Variants in LPP observed in about 807,000 individuals in gnomAD.
LPP encodes LIM domain containing preferred translocation partner in lipoma, also known as lipoma-preferred partner.
LPP carries 38 observed loss-of-function variants against 60.4 expected under a neutral mutation model. That is an observed-to-expected ratio of 0.63 (90% confidence interval 0.49 to 0.83). The LOEUF (loss-of-function observed/expected upper bound fraction) is 0.83, where lower values mean the gene tolerates loss of function less well. Ranked by LOEUF, LPP falls within the 40% of genes least tolerant of loss-of-function variation. The pLI is 0.00. For synonymous variants in LPP, 328 were observed against 290.8 expected, an observed-to-expected ratio of 1.13 and a Z score of -1.30; for missense variants, 902 against 783.6, an observed-to-expected ratio of 1.15 and a Z score of -1.80.
At chr3:188,687,867 C>T (rs1377177596) in intron 7 of LPP, among the ~76,000 whole-genome samples, 5 of 151,392 alleles carry the variant, frequency 3.3e-5, no homozygotes, top group African/African-American at 9.7e-5. Flanking sequence ...CTCCACCTCC[C>T]GGGTTCATGC....
intron 9 of LPP, among the ~76,000 whole-genome samples, chr3:188,858,272 C>T (rs901395495): frequency 6.6e-6 from 1 of 152,154 alleles, no homozygotes; most frequent in South Asian, 2.1e-4. Context: ...TCTTAGTCTT[C>T]TCTGATATGT....
chr3:188,632,364 C>A (rs1358810243), intron 7 of LPP, among the ~76,000 whole-genome samples: 3 of 152,196 alleles, frequency 2.0e-5, no homozygotes, highest in Admixed American at 2.0e-4. Context: ...AGCATTTGAT[C>A]TAACCTATAG....
intron 6 of LPP, among the ~76,000 whole-genome samples, chr3:188,581,460 C>T (rs573515492): frequency 6.6e-6 from 1 of 152,244 alleles, no homozygotes; most frequent in African/African-American, 2.4e-5. Flanking sequence ...CAATTTAGTA[C>T]TGTTTATATT....
At chr3:188,328,129 C>G (rs1293020084) in intron 2 of LPP, among the ~76,000 whole-genome samples, 1 of 152,002 alleles carries the variant, frequency 6.6e-6, no homozygotes. Context: ...GATACTATAC[C>G]AAAACTTGAC....
chr3:188,556,548 A>G (rs1372957374), intron 6 of LPP, among the ~76,000 whole-genome samples: 1 of 152,080 alleles, frequency 6.6e-6, no homozygotes, highest in African/African-American at 2.4e-5. Context: ...CCTGAAAATC[A>G]TACAAACTCT....
In LPP at chr3:188,566,387, T is replaced by A. The variant is rs184545231; in HGVS notation, c.429+41600T>A. ...AAAATGAACATTGATGGGAACTGTG[T>A]CATATTTTCTGTATCATATTTCATG... On this transcript the variant is annotated intron_variant, in intron 6 of 11. Coordinates refer to ENST00000617246, the MANE Select transcript of LPP (RefSeq NM_001375462.1). Among the ~76,000 whole-genome samples, 8 of 152,084 alleles carry A rather than the reference T, an allele frequency of 5.3e-5. 1 individual carries two copies. In the South Asian group the frequency reaches 1.7e-3, roughly 31 times the overall value.
chr3:188,748,113 A>G (rs1726872143), intron 8 of LPP, among the ~76,000 whole-genome samples: 1 of 152,158 alleles, frequency 6.6e-6, no homozygotes. Context: ...CATCTGCTCC[A>G]TCGTACTGGT....
At chr3:188,530,189 T>G (rs575627251) in intron 6 of LPP, among the ~76,000 whole-genome samples, 11 of 152,338 alleles carry the variant, frequency 7.2e-5, no homozygotes, top group African/African-American at 2.2e-4. Flanking sequence ...TAAGTAGCCC[T>G]TTTGATGCCC....
At chr3:188,549,211 A>G (rs1827419274) in intron 6 of LPP, among the ~76,000 whole-genome samples, 1 of 152,216 alleles carries the variant, frequency 6.6e-6, no homozygotes, top group Non-Finnish European at 1.5e-5. Context: ...AGAAGTCTGT[A>G]TAGCCTTGTT....
chr3:188,726,980 A>C (rs1221800127), intron 8 of LPP, among the ~76,000 whole-genome samples: 1 of 152,164 alleles, frequency 6.6e-6, no homozygotes, highest in Non-Finnish European at 1.5e-5. Context: ...ATTTAATCCA[A>C]ATCTCTTAGT....
At chr3:188,255,670 T>C (rs759428853) in intron 2 of LPP, among the ~76,000 whole-genome samples, 1 of 152,254 alleles carries the variant, frequency 6.6e-6, no homozygotes, top group Non-Finnish European at 1.5e-5. Flanking sequence ...ATGAAAATTC[T>C]GGTTTTCTGC....
intron 4 of LPP, among the ~76,000 whole-genome samples, chr3:188,406,567 C>G (rs1204961852): frequency 6.6e-6 from 1 of 152,170 alleles, no homozygotes; most frequent in Non-Finnish European, 1.5e-5. Flanking sequence ...GAAACCTGGC[C>G]TCTTTAGTCA....
intron 3 of LPP, among the ~76,000 whole-genome samples, chr3:188,387,566 ATTTTT>A (rs57960044): frequency 1.5e-5 from 2 of 133,774 alleles, no homozygotes; most frequent in Admixed American, 7.4e-5. Context: ...TCAGAGGTTA[ATTTTT>A]TTTTTTTTTT....
At chr3:188,674,798 C>T (rs574671571) in intron 7 of LPP, among the ~76,000 whole-genome samples, 1 of 152,286 alleles carries the variant, frequency 6.6e-6, no homozygotes, top group East Asian at 1.9e-4. Context: ...GCATCTCTGA[C>T]TTCAAAGTCT....
intron 5 of LPP, among the ~76,000 whole-genome samples, chr3:188,507,578 A>G (rs146870453): frequency 1.1e-4 from 16 of 152,258 alleles, no homozygotes; most frequent in African/African-American, 3.6e-4. Context: ...CTCAACCTCA[A>G]CTATGCATGT....
intron 2 of LPP, among the ~76,000 whole-genome samples, chr3:188,260,068 G>A (rs1733032524): frequency 1.3e-5 from 2 of 151,474 alleles, no homozygotes; most frequent in Admixed American, 1.3e-4. Context: ...TTATTTTTAA[G>A]GCAGAGTCTC....
chr3:188,282,729 C>T lies in LPP; in HGVS notation c.-67+57202C>T, dbSNP rs563805314. 3.9e-5 allele frequency among the ~76,000 whole-genome samples: 6 copies of T among 152,314 alleles called. No individual in the cohort carries two copies. The East Asian group carries it at 1.2e-3, about 29-fold the overall frequency. The stretch of plus-strand genomic sequence containing the variant: ...GCTGGCTACCTCTGCCAGGCAGCAT[C>T]CTTCATGCTTAGCTCAAATTCCACC... On this transcript the variant is annotated intron_variant, in intron 2 of 11. Coordinates refer to ENST00000617246, the MANE Select transcript of LPP (RefSeq NM_001375462.1).
At chr3:188,565,391 G>T (rs551648460) in intron 6 of LPP, among the ~76,000 whole-genome samples, 2 of 152,020 alleles carry the variant, frequency 1.3e-5, no homozygotes, top group South Asian at 4.2e-4. Context: ...TTAGAGATCC[G>T]CTCCTCTCAC....
At chr3:188,753,804 G>C (rs1217601506) in intron 8 of LPP, among the ~76,000 whole-genome samples, 1 of 151,820 alleles carries the variant, frequency 6.6e-6, no homozygotes, top group Non-Finnish European at 1.5e-5. Flanking sequence ...TGTATTTGTA[G>C]AGGGAAAAAC....
Sources: gnomAD v4.1 joint callset for allele counts (sites outside exome capture counted in the v4.1 genomes callset) on GRCh38, gnomAD v4.1.1 for gene constraint, MANE v1.5 for transcripts, NCBI Gene and HGNC (gene_info 2026-07-23, HGNC 2026-07-21) for gene names.